Variants in DCUN1D1 observed in about 807,000 individuals in gnomAD.
The protein encoded by DCUN1D1 is DCN1-like protein 1.
DCUN1D1 carries 3 observed loss-of-function variants against 39.0 expected under a neutral mutation model. The ratio of observed to expected loss-of-function variants is 0.08; its 90% CI spans 0.04 to 0.20. The LOEUF is 0.20. Ranked by LOEUF, DCUN1D1 falls within the 10% of genes least tolerant of loss-of-function variation. The pLI is 1.00. For missense variants in DCUN1D1, 158 were observed against 302.4 expected, an observed-to-expected ratio of 0.52 and a Z score of 3.54; for synonymous variants, 82 against 96.3, an observed-to-expected ratio of 0.85 and a Z score of 0.87.
At chr3:182,952,043 A>C (rs1367514510) in intron 4 of DCUN1D1, among the ~76,000 whole-genome samples, 1 of 152,058 alleles carries the variant, frequency 6.6e-6, no homozygotes, top group Non-Finnish European at 1.5e-5. Context: ...CGGTTTCCCC[A>C]TTTCCCACAC....
chr3:182,973,360 A>G (rs2108393459), intron 1 of DCUN1D1, among the ~76,000 whole-genome samples: 1 of 152,334 alleles, frequency 6.6e-6, no homozygotes, highest in African/African-American at 2.4e-5. Context: ...TTTCATTAAT[A>G]TTTTCAGATC....
intron 1 of DCUN1D1, among the ~76,000 whole-genome samples, chr3:182,978,840 A>G (rs1728373134): frequency 6.6e-6 from 1 of 152,192 alleles, no homozygotes; most frequent in African/African-American, 2.4e-5. Context: ...AACCAAAAGA[A>G]TAGAAGCTTA....
At chr3:182,961,638 G>A (rs1038751251) in intron 3 of DCUN1D1, among the ~76,000 whole-genome samples, 7 of 152,160 alleles carry the variant, frequency 4.6e-5, no homozygotes, top group African/African-American at 1.7e-4. Context: ...ACTTTCACTA[G>A]TAGAAGTCAG....
rs57297234 is a variant in DCUN1D1, at chr3:182,943,114, G to GAAAAAAAA, written c.*1972_*1979dup. On this transcript the variant is annotated 3_prime_UTR_variant, in exon 7 of 7. Coordinates refer to ENST00000292782, the MANE Select transcript of DCUN1D1 (RefSeq NM_020640.4). ...ACTTTTAAAGAAAACACTTTATATT[G>GAAAAAAAA]AAAAAAAAAAAAAAAAAAAAAAGCT... 19 of 54,370 alleles carry GAAAAAAAA rather than the reference G, an allele frequency of 3.5e-4. No individual in the cohort carries two copies. Among genetic ancestry groups the GAAAAAAAA allele is most frequent in the East Asian group, 1.1e-3 (2 of 1,890 alleles). 3.4% of individuals were successfully genotyped at this position (54,370 alleles called of 1,614,324 possible).
chr3:182,942,001 A>C lies in DCUN1D1; in HGVS notation c.*3093T>G, dbSNP rs1459992089. 6.6e-6 allele frequency: 1 copy of C among 152,122 alleles called. No individual in the cohort carries two copies. Among genetic ancestry groups the C allele is most frequent in the Non-Finnish European group, 1.5e-5 (1 of 67,954 alleles). 9.4% of individuals were successfully genotyped at this position (152,122 alleles called of 1,614,324 possible). Reference sequence around the variant, plus strand: ...TAAAAAATAAATGAACACTTCATTCATTTAAGTCTGAGGAAAAAATAGTGT... The same window carrying C: ...TAAAAAATAAATGAACACTTCATTCCTTTAAGTCTGAGGAAAAAATAGTGT... On this transcript the variant is annotated 3_prime_UTR_variant, in exon 7 of 7. Coordinates refer to ENST00000292782, the MANE Select transcript of DCUN1D1 (RefSeq NM_020640.4).
chr3:182,983,414 T>C (rs1351144059), upstream of DCUN1D1, among the ~76,000 whole-genome samples: 1 of 152,194 alleles, frequency 6.6e-6, no homozygotes, highest in Non-Finnish European at 1.5e-5. Flanking sequence ...TTAAATAATA[T>C]GCCTAAAATT....
At chr3:182,964,783 G>A (rs907374673) in intron 2 of DCUN1D1, among the ~76,000 whole-genome samples, 1 of 151,844 alleles carries the variant, frequency 6.6e-6, no homozygotes, top group Non-Finnish European at 1.5e-5. Flanking sequence ...GGGGACTACA[G>A]GCACACGCCA....
chr3:182,982,698 A>G (rs1371370657), upstream of DCUN1D1, among the ~76,000 whole-genome samples: 1 of 152,146 alleles, frequency 6.6e-6, no homozygotes, highest in African/African-American at 2.4e-5. Flanking sequence ...GCTGGAGTAC[A>G]ATGGCGCAAT....
chr3:182,966,268 C>T (rs1427002139), intron 1 of DCUN1D1, among the ~76,000 whole-genome samples: 1 of 152,072 alleles, frequency 6.6e-6, no homozygotes, highest in Non-Finnish European at 1.5e-5. Flanking sequence ...GGGGATCCTC[C>T]CTCCCCAACA....
chr3:182,961,387 T>A (rs1158321879), intron 3 of DCUN1D1, 31 bp from the exon 4 acceptor site: 1 of 1,545,430 alleles, frequency 6.5e-7, no homozygotes, highest in Non-Finnish European at 8.7e-7. Flanking sequence ...TATAAAAGAT[T>A]AACTGTTTCA....
chr3:182,980,306 G>T, intron 1 of DCUN1D1, 181 bp downstream of exon 1: 2 of 358,452 alleles, frequency 5.6e-6, no homozygotes, highest in Non-Finnish European at 7.8e-6. Flanking sequence ...GCCCGGGCGG[G>T]AAGGGGCGAA....
intron 1 of DCUN1D1, among the ~76,000 whole-genome samples, chr3:182,976,279 A>T (rs1364426928): frequency 6.6e-6 from 1 of 152,130 alleles, no homozygotes; most frequent in Non-Finnish European, 1.5e-5. Flanking sequence ...ACAAAAAAAA[A>T]CAAGGTATAT....
At position 182,945,054 on chromosome 3, in the gene DCUN1D1, A is replaced by AT; in HGVS notation, c.*39dup. 3 of 1,536,728 alleles carry AT rather than the reference A, an allele frequency of 2.0e-6. No homozygotes were observed. The highest frequency in any genetic ancestry group is 1.8e-6 in the Non-Finnish European group (2 of 1,113,628). On this transcript the variant is annotated 3_prime_UTR_variant, in exon 7 of 7. Transcript: ENST00000292782. Reference sequence around the variant, plus strand: ...GACTGTGCAATTTTCTGTTGTATTTATTGTACAGACTATGTACATTCTAGA... The same window carrying AT: ...GACTGTGCAATTTTCTGTTGTATTTATTTGTACAGACTATGTACATTCTAGA...
At chr3:182,955,299 C>T in intron 4 of DCUN1D1, 1 of 543,570 alleles carries the variant, frequency 1.8e-6, no homozygotes, top group South Asian at 1.4e-5. Flanking sequence ...ATCATCATCA[C>T]TTTCTTCACT....
intron 4 of DCUN1D1, among the ~76,000 whole-genome samples, chr3:182,958,065 CT>C (rs761056913): frequency 4.0e-5 from 6 of 151,678 alleles, no homozygotes; most frequent in African/African-American, 4.8e-5. Flanking sequence ...TGGGCCTTAC[CT>C]CTTCTCCTAT....
chr3:182,945,198 G>A, intron 6 of DCUN1D1, 25 bp from the exon 7 acceptor site: 1 of 1,568,190 alleles, frequency 6.4e-7, no homozygotes, highest in Non-Finnish European at 8.7e-7. Context: ...AAATATGAAA[G>A]AAAGAGAAGG....
At chr3:182,951,905 A>G (rs1361179129) in intron 4 of DCUN1D1, among the ~76,000 whole-genome samples, 1 of 152,054 alleles carries the variant, frequency 6.6e-6, no homozygotes, top group Non-Finnish European at 1.5e-5. Context: ...CCTGTTGGTC[A>G]GTCTGGTCTC....
intron 1 of DCUN1D1, among the ~76,000 whole-genome samples, chr3:182,975,278 G>A (rs538558214): frequency 7.3e-5 from 11 of 150,358 alleles, no homozygotes; most frequent in Admixed American, 4.7e-4. Flanking sequence ...CTGGGTTCAC[G>A]CCAGTCTCCC....
intron 1 of DCUN1D1, among the ~76,000 whole-genome samples, chr3:182,972,537 G>T (rs553120248): frequency 1.3e-5 from 2 of 152,254 alleles, no homozygotes; most frequent in Admixed American, 1.3e-4. Context: ...AGCACTTTGG[G>T]AGGTCGAGGG....
Sources: gnomAD v4.1 joint callset for allele counts (sites outside exome capture counted in the v4.1 genomes callset) on GRCh38, gnomAD v4.1.1 for gene constraint, MANE v1.5 for transcripts, NCBI Gene and HGNC (gene_info 2026-07-23, HGNC 2026-07-21) for gene names.